The following PSTPIP2 variants were observed in gnomAD, a reference collection of about 807,000 sequenced individuals.
PSTPIP2 encodes proline-serine-threonine phosphatase-interacting protein 2.
In PSTPIP2, 33 loss-of-function variants were observed where a neutral mutation model predicts 63.3. That is an observed-to-expected ratio of 0.52 (90% CI 0.40 to 0.70). The LOEUF is 0.70. PSTPIP2 is among the 30% of genes least tolerant of loss of function. PSTPIP2 has a pLI of 0.00. For synonymous variants in PSTPIP2, 125 were observed against 132.7 expected, an observed-to-expected ratio of 0.94 and a Z score of 0.40; for missense variants, 312 against 400.7, an observed-to-expected ratio of 0.78 and a Z score of 1.89.
intron 2 of PSTPIP2, chr18:46,028,159 T>G (rs541512874): frequency 9.5e-5 from 31 of 326,106 alleles, no homozygotes; most frequent in Non-Finnish European, 1.5e-4. Context: ...AGACAGTGTC[T>G]CAAAAAGAAA....
chr18:45,992,128 G>C lies in PSTPIP2; in HGVS notation c.816C>G (p.Arg272=), dbSNP rs768747363. The change falls in exon 11 of 15, where the codon CGC becomes CGG. Residue 272 remains arginine (R), a synonymous_variant. Coordinates refer to ENST00000409746, the MANE Select transcript of PSTPIP2 (RefSeq NM_024430.4). ...CACCTGGTGGAATCTGTCCAGTTTT[G>C]CGTTGATTCACAAAGTATTCAATGT... ...QRDIEYFVNQ[R]KTGQIPPAPI... is the part of the protein sequence containing the mutation. 1.2e-6 allele frequency: 2 copies of C among 1,608,554 alleles called. No individual in the cohort carries two copies. Among genetic ancestry groups the C allele is most frequent in the South Asian group, 2.2e-5 (2 of 90,080 alleles).
chr18:46,007,100 C>T (rs772974624), intron 5 of PSTPIP2, among the ~76,000 whole-genome samples: 16 of 152,262 alleles, frequency 1.1e-4, no homozygotes, highest in South Asian at 4.2e-4. Context: ...ATGACACTAA[C>T]GCTGTGCAAA....
intron 1 of PSTPIP2, among the ~76,000 whole-genome samples, chr18:46,066,263 G>C (rs1248494110): frequency 1.3e-5 from 2 of 152,070 alleles, no homozygotes; most frequent in Non-Finnish European, 2.9e-5. Flanking sequence ...GGAGTTTGAG[G>C]CTGCAGTGAG....
In PSTPIP2 at chr18:45,988,779, G is replaced by C. The variant is rs771087624; in HGVS notation, c.956-20C>G. 42 of 1,533,710 alleles carry C rather than the reference G, an allele frequency of 2.7e-5. No individual in the cohort carries two copies. Among genetic ancestry groups the C allele is most frequent in the Admixed American group, 6.7e-5 (4 of 59,828 alleles). ...GATCATCTGCAAAAGGCAGAACACA[G>C]AAAACAACAGTAACATCAATTTTTC... is the stretch of plus-strand genomic sequence containing the variant. On this transcript the variant is annotated intron_variant, in intron 13 of 14. Coordinates refer to ENST00000409746, the MANE Select transcript of PSTPIP2 (RefSeq NM_024430.4).
At chr18:46,007,545 AAT>A (rs1190338718) in intron 5 of PSTPIP2, among the ~76,000 whole-genome samples, 1 of 152,258 alleles carries the variant, frequency 6.6e-6, no homozygotes, top group Non-Finnish European at 1.5e-5. Context: ...TTTATTTAAT[AAT>A]GGTTCCCAAT....
chr18:46,001,023 T>C (rs2051659867), intron 6 of PSTPIP2, among the ~76,000 whole-genome samples: 1 of 152,214 alleles, frequency 6.6e-6, no homozygotes. Flanking sequence ...CTGTCATCAG[T>C]GGCAACATGG....
chr18:46,052,482 A>C (rs1388174742), intron 1 of PSTPIP2, among the ~76,000 whole-genome samples: 5 of 152,314 alleles, frequency 3.3e-5, no homozygotes, highest in African/African-American at 1.2e-4. Context: ...GCTGGGATGC[A>C]TTTCACAGCT....
At position 46,072,201 on chromosome 18, in the gene PSTPIP2, G is replaced by C. The variant is rs556800250; in HGVS notation, c.-13C>G. 595 of 1,535,198 alleles carry C rather than the reference G, an allele frequency of 3.9e-4. No individual in the cohort carries two copies. The highest frequency in any genetic ancestry group is 4.9e-4 in the Non-Finnish European group (564 of 1,140,898). On this transcript the variant is annotated 5_prime_UTR_variant, in exon 1 of 15. Transcript: ENST00000409746. ...GTGAGCGCGTCATCGCAGCGCGAGTGGGGGCGCGGAGGAGAGCCGGGCCGC... is the reference window on the plus strand; with the variant it reads ...GTGAGCGCGTCATCGCAGCGCGAGTCGGGGCGCGGAGGAGAGCCGGGCCGC...
At chr18:46,039,450 G>T (rs1024926114) in intron 2 of PSTPIP2, among the ~76,000 whole-genome samples, 2 of 151,946 alleles carry the variant, frequency 1.3e-5, no homozygotes, top group African/African-American at 4.8e-5. Context: ...CCTCAAGCTT[G>T]CTGTTCTCCC....
At chr18:46,051,439 C>T (rs563905339) in intron 1 of PSTPIP2, among the ~76,000 whole-genome samples, 242 of 152,000 alleles carry the variant, frequency 1.6e-3, no homozygotes, top group Non-Finnish European at 3.1e-3. Flanking sequence ...CGCGCCACTG[C>T]ACTCCACCCC....
chr18:45,989,029 T>C (rs2051496297), intron 13 of PSTPIP2, among the ~76,000 whole-genome samples: 1 of 152,150 alleles, frequency 6.6e-6, no homozygotes, highest in Non-Finnish European at 1.5e-5. Flanking sequence ...TGGACAGAAA[T>C]AGCATCCTAC....
intron 1 of PSTPIP2, 126 bp from the exon 2 acceptor site, chr18:46,040,173 A>G: frequency 4.5e-6 from 3 of 671,634 alleles, no homozygotes; most frequent in African/African-American, 1.9e-5. Context: ...GAGATGGCGC[A>G]GGGACCCACT....
intron 1 of PSTPIP2, among the ~76,000 whole-genome samples, chr18:46,068,513 T>C (rs1909273369): frequency 6.6e-6 from 1 of 151,880 alleles, no homozygotes; most frequent in Non-Finnish European, 1.5e-5. Context: ...TTAGCCGAGA[T>C]GGTCTCGATC....
intron 1 of PSTPIP2, among the ~76,000 whole-genome samples, chr18:46,055,614 C>T (rs912141829): frequency 5.3e-5 from 8 of 152,200 alleles, no homozygotes; most frequent in African/African-American, 1.9e-4. Context: ...CCACTGTGCC[C>T]AGCCAGTGCC....
chr18:46,028,646 T>G, intron 2 of PSTPIP2: 1 of 825,434 alleles, frequency 1.2e-6, no homozygotes. Context: ...ATGAAGAAGA[T>G]GAAGATGAGG....
At chr18:46,058,868 G>A (rs935406983) in intron 1 of PSTPIP2, among the ~76,000 whole-genome samples, 1 of 152,174 alleles carries the variant, frequency 6.6e-6, no homozygotes, top group Admixed American at 6.5e-5. Flanking sequence ...CAGGTGGCCA[G>A]GACCTAGGAC....
intron 4 of PSTPIP2, among the ~76,000 whole-genome samples, chr18:46,014,810 A>C (rs1015689802): frequency 6.6e-6 from 1 of 152,206 alleles, no homozygotes; most frequent in Admixed American, 6.5e-5. Context: ...GTGCCTTTGA[A>C]ACACCCAAGA....
In PSTPIP2 at chr18:45,997,827, G is replaced by A; in HGVS notation, c.564C>T (p.Asp188=). 1 of 1,601,362 alleles carries A rather than the reference G, an allele frequency of 6.2e-7. No individual in the cohort carries two copies. The highest frequency in any genetic ancestry group is 8.5e-7 in the Non-Finnish European group (1 of 1,175,612). ...ATSKTAVEDS[D]KAYMLHIGTL... ...TGCCGATGTGCAGCATGTATGCTTTGTCTGCAACAGAAGGGAGAGACCTGG... is the reference window on the plus strand; with the variant it reads ...TGCCGATGTGCAGCATGTATGCTTTATCTGCAACAGAAGGGAGAGACCTGG... The change falls in exon 9 of 15, where the codon GAC becomes GAT. Residue 188 remains aspartate (D), a splice_region_variant and synonymous_variant. Coordinates refer to ENST00000409746, the MANE Select transcript of PSTPIP2 (RefSeq NM_024430.4).
At chr18:46,060,155 T>C (rs1908939063) in intron 1 of PSTPIP2, among the ~76,000 whole-genome samples, 1 of 152,202 alleles carries the variant, frequency 6.6e-6, no homozygotes, top group Admixed American at 6.5e-5. Context: ...TAAATATCTT[T>C]ATAATATTAT....
Sources: gnomAD v4.1 joint callset for allele counts (sites outside exome capture counted in the v4.1 genomes callset) on GRCh38, gnomAD v4.1.1 for gene constraint, MANE v1.5 for transcripts, NCBI Gene and HGNC (gene_info 2026-07-23, HGNC 2026-07-21) for gene names.